MAML2: variants seen among roughly 807,000 people sequenced by gnomAD.
MAML2 encodes mastermind like transcriptional coactivator 2, also known as mastermind-like protein 2.
In MAML2, 22 loss-of-function variants were observed where a neutral mutation model predicts 96.1. The observed-to-expected ratio is 0.23, with a 90% CI of 0.16 to 0.33. MAML2 has a LOEUF of 0.33. Ranked by LOEUF, MAML2 falls within the 10% of genes least tolerant of loss-of-function variation. The pLI, the probability that MAML2 is intolerant of heterozygous loss-of-function variation, is 1.00. For synonymous variants in MAML2, 561 were observed against 521.3 expected, an observed-to-expected ratio of 1.08 and a Z score of -1.04; for missense variants, 1,367 against 1,392.4, an observed-to-expected ratio of 0.98 and a Z score of 0.29.
At chr11:96,213,134 G>A (rs760477488) in intron 1 of MAML2, among the ~76,000 whole-genome samples, 18 of 152,142 alleles carry the variant, frequency 1.2e-4, no homozygotes, top group Non-Finnish European at 2.9e-5. Context: ...GACCCACACA[G>A]GAAAAGAGTA....
chr11:96,188,943 G>T (rs1861612791), intron 1 of MAML2, among the ~76,000 whole-genome samples: 1 of 151,962 alleles, frequency 6.6e-6, no homozygotes, highest in Non-Finnish European at 1.5e-5. Flanking sequence ...ATAAGCAAAA[G>T]ATTTCAAATG....
chr11:96,154,708 C>T (rs1441795762), intron 1 of MAML2, among the ~76,000 whole-genome samples: 1 of 152,096 alleles, frequency 6.6e-6, no homozygotes, highest in African/African-American at 2.4e-5. Context: ...GGATATTCAC[C>T]CAGAGTGCAC....
chr11:96,168,441 A>G (rs1861226992), intron 1 of MAML2, among the ~76,000 whole-genome samples: 1 of 152,184 alleles, frequency 6.6e-6, no homozygotes, highest in Non-Finnish European at 1.5e-5. Context: ...GGAGAGATGA[A>G]GTCCAGGCAG....
chr11:96,067,590 GT>G (rs5793775), intron 2 of MAML2, among the ~76,000 whole-genome samples: 1 of 150,118 alleles, frequency 6.7e-6, no homozygotes. Context: ...ATCCCATTTG[GT>G]TTTTTTTTTA....
intron 1 of MAML2, among the ~76,000 whole-genome samples, chr11:96,174,774 C>T (rs566248402): frequency 6.6e-6 from 1 of 152,194 alleles, no homozygotes; most frequent in African/African-American, 2.4e-5. Flanking sequence ...TGTGGGATAC[C>T]CACAAAGCCT....
intron 1 of MAML2, among the ~76,000 whole-genome samples, chr11:96,222,963 T>C (rs1862161097): frequency 1.3e-5 from 2 of 152,194 alleles, no homozygotes; most frequent in Admixed American, 1.3e-4. Context: ...CCCAGAAAAC[T>C]GAAGATTTTA....
In MAML2 at chr11:96,252,425, C is replaced by CTTTT. The variant is rs35604635; in HGVS notation, c.513+88954_513+88957dup. ...TCTCAGCGCTTTACCTTGACTAACT[C>CTTTT]TTTTTTTTTTTTTTTTTTTGACCTG... On this transcript the variant is annotated intron_variant, in intron 1 of 4. Transcript: ENST00000524717. Among the ~76,000 whole-genome samples, 55 of 122,568 alleles carry CTTTT rather than the reference C, an allele frequency of 4.5e-4. 2 individuals carry two copies. Among genetic ancestry groups the CTTTT allele is most frequent in the Admixed American group, 6.3e-4 (7 of 11,200 alleles). The allele number at this position is 122,568 out of a possible 152,430, so 80.4% of individuals were successfully genotyped here.
At position 96,125,127 on chromosome 11, in the gene MAML2, G is replaced by C. The variant is rs984262972; in HGVS notation, c.514-31610C>G. Among the ~76,000 whole-genome samples, 11 of 152,230 alleles carry C rather than the reference G, an allele frequency of 7.2e-5. No homozygotes were observed. In the South Asian group the frequency reaches 2.3e-3, roughly 32 times the overall value. ...AAAGACATTGCTGGCTTTTCCTAAG[G>C]GAGTTAATGAGTTGCCCTTGAATGA... On this transcript the variant is annotated intron_variant, in intron 1 of 4. Transcript: ENST00000524717.
At chr11:96,243,936 C>T (rs1862476287) in intron 1 of MAML2, among the ~76,000 whole-genome samples, 1 of 152,188 alleles carries the variant, frequency 6.6e-6, no homozygotes, top group Non-Finnish European at 1.5e-5. Flanking sequence ...CCACCGCGCC[C>T]GGCCCAGTCA....
intron 1 of MAML2, among the ~76,000 whole-genome samples, chr11:96,135,562 T>TTTTTTA (rs1860616728): frequency 6.9e-6 from 1 of 145,068 alleles, no homozygotes; most frequent in African/African-American, 2.5e-5. Flanking sequence ...TTTTTTTTTT[T>TTTTTTA]AAACCGTGGT....
chr11:96,027,535 G>T (rs937639268), intron 2 of MAML2, among the ~76,000 whole-genome samples: 1 of 152,142 alleles, frequency 6.6e-6, no homozygotes, highest in Admixed American at 6.5e-5. Context: ...TGTGAAAAGT[G>T]CTCTGACAGA....
At chr11:96,059,201 A>T (rs1859116564) in intron 2 of MAML2, among the ~76,000 whole-genome samples, 1 of 152,216 alleles carries the variant, frequency 6.6e-6, no homozygotes, top group Non-Finnish European at 1.5e-5. Context: ...TCTCTTTGTC[A>T]CAAATATTTA....
intron 1 of MAML2, among the ~76,000 whole-genome samples, chr11:96,246,092 A>G (rs1181844886): frequency 2.6e-5 from 4 of 152,132 alleles, no homozygotes; most frequent in Admixed American, 2.0e-4. Context: ...ACAAAGCAAC[A>G]TGAAACATGG....
At chr11:96,041,728 A>AT (rs551421799) in intron 2 of MAML2, among the ~76,000 whole-genome samples, 5,408 of 144,806 alleles carry the variant, frequency 0.037, 122 homozygotes, top group Non-Finnish European at 0.053. Flanking sequence ...GGAGTGAGTG[A>AT]TTTTTTTTTT....
At chr11:96,258,759 C>T (rs1978763) in intron 1 of MAML2, among the ~76,000 whole-genome samples, 46,493 of 152,104 alleles carry the variant, frequency 0.31, 8,469 homozygotes, top group South Asian at 0.54. Context: ...AGGGCATAAA[C>T]GAAATTATAA....
chr11:96,084,690 G>A (rs1010404888), intron 2 of MAML2, among the ~76,000 whole-genome samples: 7 of 152,200 alleles, frequency 4.6e-5, no homozygotes, highest in African/African-American at 1.4e-4. Flanking sequence ...AGAGAGTACA[G>A]CCAAGGGGAG....
intron 1 of MAML2, among the ~76,000 whole-genome samples, chr11:96,252,986 C>G (rs1005153133): frequency 1.6e-4 from 25 of 152,192 alleles, no homozygotes; most frequent in Non-Finnish European, 7.3e-5. Flanking sequence ...CAGCCTCCCA[C>G]TATAATATCG....
At chr11:96,020,694 T>C (rs1163841671) in intron 2 of MAML2, among the ~76,000 whole-genome samples, 1 of 152,238 alleles carries the variant, frequency 6.6e-6, no homozygotes, top group African/African-American at 2.4e-5. Flanking sequence ...GGAGTTATTG[T>C]ATGTCTGCTT....
At chr11:96,022,051 G>A (rs1401150299) in intron 2 of MAML2, among the ~76,000 whole-genome samples, 1 of 152,164 alleles carries the variant, frequency 6.6e-6, no homozygotes, top group Non-Finnish European at 1.5e-5. Flanking sequence ...TGTAGGCCAG[G>A]CCATCTAGGA....
Sources: gnomAD v4.1 joint callset for allele counts (sites outside exome capture counted in the v4.1 genomes callset) on GRCh38, gnomAD v4.1.1 for gene constraint, MANE v1.5 for transcripts, NCBI Gene and HGNC (gene_info 2026-07-23, HGNC 2026-07-21) for gene names.